FAM83B: variants seen among roughly 807,000 people sequenced by gnomAD.
The protein encoded by FAM83B is protein FAM83B.
FAM83B carries 26 observed loss-of-function variants against 38.8 expected under a neutral mutation model. The ratio of observed to expected loss-of-function variants is 0.67; its 90% CI spans 0.49 to 0.93. The LOEUF is 0.93. Among genes scored for constraint, FAM83B ranks in the 40% least tolerant of loss-of-function variants. FAM83B has a pLI of 0.00. For synonymous variants in FAM83B, 419 were observed against 423.1 expected (o/e 0.99, Z 0.12); for missense variants, 1,237 against 1,197.3 (o/e 1.03, Z -0.49).
intron 2 of FAM83B, among the ~76,000 whole-genome samples, chr6:54,917,548 A>T (rs1019490803): frequency 2.0e-5 from 3 of 152,150 alleles, no homozygotes; most frequent in African/African-American, 7.2e-5. Flanking sequence ...AATTTAAAAA[A>T]ATATGACCTA....
intron 2 of FAM83B, among the ~76,000 whole-genome samples, chr6:54,879,282 T>A (rs985048739): frequency 2.6e-5 from 4 of 152,128 alleles, no homozygotes; most frequent in Admixed American, 2.6e-4. Flanking sequence ...TGGATAAGAT[T>A]CAGATGCAAA....
intron 2 of FAM83B, among the ~76,000 whole-genome samples, chr6:54,923,376 T>G (rs1469954562): frequency 6.6e-6 from 1 of 152,006 alleles, no homozygotes; most frequent in Non-Finnish European, 1.5e-5. Context: ...CCACTCCATA[T>G]TATATACACC....
intron 2 of FAM83B, among the ~76,000 whole-genome samples, chr6:54,913,926 A>C (rs1196610663): frequency 6.6e-6 from 1 of 151,890 alleles, no homozygotes; most frequent in Non-Finnish European, 1.5e-5. Flanking sequence ...TTGAAAACAT[A>C]CCCCATGTGT....
At chr6:54,915,250 C>T (rs1030292738) in intron 2 of FAM83B, among the ~76,000 whole-genome samples, 13 of 152,078 alleles carry the variant, frequency 8.5e-5, no homozygotes, top group Non-Finnish European at 1.8e-4. Flanking sequence ...TTTCTTTATA[C>T]ACAAAAATGA....
At chr6:54,865,998 A>G (rs895141730) in intron 1 of FAM83B, among the ~76,000 whole-genome samples, 32 of 119,856 alleles carry the variant, frequency 2.7e-4, no homozygotes, top group African/African-American at 8.6e-4. Flanking sequence ...AATAATAATA[A>G]TAAGGTTGAA....
Position 54,926,514 on chromosome 6 carries a change from T to C in FAM83B, c.588T>C (p.Gly196=). The C allele has an allele frequency of 6.2e-7, 1 of 1,601,366 alleles. No homozygotes were observed. The highest frequency in any genetic ancestry group is 2.2e-5 in the East Asian group (1 of 44,738). ...TTCTAAATATGACTGAGAAACAAGG[T>C]TGTTCAGTTCAGCGTCTCAGGGTAA... ...NHFLNMTEKQ[G]CSVQRLRNIR... is the part of the protein sequence containing the mutation. Residue 196 remains glycine (G), a synonymous_variant, in exon 3 of 5, where the codon GGT becomes GGC. Transcript: ENST00000306858.
At chr6:54,897,269 G>C (rs1242163230) in intron 2 of FAM83B, among the ~76,000 whole-genome samples, 1 of 151,388 alleles carries the variant, frequency 6.6e-6, no homozygotes, top group Non-Finnish European at 1.5e-5. Context: ...ATCACATATG[G>C]GAAACAGTCA....
Position 54,859,468 on chromosome 6 carries a change from A to G in FAM83B, c.-60-10719A>G, listed in dbSNP as rs1022706866. Among the ~76,000 whole-genome samples the G allele has an allele frequency of 2.6e-4, 39 of 152,212 alleles. 1 individual carries two copies. The highest frequency in any genetic ancestry group is 4.4e-5 in the Non-Finnish European group (3 of 68,042). On this transcript the variant is annotated intron_variant, in intron 1 of 4. Coordinates refer to ENST00000306858, the MANE Select transcript of FAM83B (RefSeq NM_001010872.3). ...TATTAAGGCAGTATATCATTAGCTTATTTAACAATTATGTACTTACTGAGC... is the reference window on the plus strand; with the variant it reads ...TATTAAGGCAGTATATCATTAGCTTGTTTAACAATTATGTACTTACTGAGC...
chr6:54,852,769 A>G (rs1481578403), intron 1 of FAM83B, among the ~76,000 whole-genome samples: 1 of 152,228 alleles, frequency 6.6e-6, no homozygotes, highest in East Asian at 1.9e-4. Flanking sequence ...AAACACACAC[A>G]TCATGAGAGA....
chr6:54,855,835 A>G (rs1771434629), intron 1 of FAM83B, among the ~76,000 whole-genome samples: 1 of 152,172 alleles, frequency 6.6e-6, no homozygotes, highest in African/African-American at 2.4e-5. Context: ...ATTTGATAAA[A>G]CCATTAATTA....
chr6:54,935,493 G>C (rs1008461422), intron 4 of FAM83B, among the ~76,000 whole-genome samples: 1 of 152,092 alleles, frequency 6.6e-6, no homozygotes, highest in African/African-American at 2.4e-5. Flanking sequence ...TCCTGGGGCA[G>C]ATATCTGGGG....
chr6:54,888,805 T>C (rs1441404065), intron 2 of FAM83B, among the ~76,000 whole-genome samples: 1 of 151,898 alleles, frequency 6.6e-6, no homozygotes, highest in East Asian at 1.9e-4. Flanking sequence ...GTTTTGGAAA[T>C]ATATCAGCTA....
intron 4 of FAM83B, among the ~76,000 whole-genome samples, chr6:54,931,697 CA>C (rs1211219577): frequency 6.6e-6 from 1 of 151,860 alleles, no homozygotes; most frequent in Non-Finnish European, 1.5e-5. Flanking sequence ...GTCCTTAGAT[CA>C]AAAGTGAGTC....
At chr6:54,883,181 G>C (rs189990229) in intron 2 of FAM83B, among the ~76,000 whole-genome samples, 156 of 152,154 alleles carry the variant, frequency 1.0e-3, no homozygotes, top group Admixed American at 2.5e-3. Context: ...CTGACCTTGT[G>C]ATCCGCCCAC....
At chr6:54,864,886 CA>C (rs1457244312) in intron 1 of FAM83B, among the ~76,000 whole-genome samples, 1 of 152,072 alleles carries the variant, frequency 6.6e-6, no homozygotes, top group Non-Finnish European at 1.5e-5. Flanking sequence ...AAAGAAATAA[CA>C]AATTCAAGAA....
chr6:54,936,069 G>A (rs934507175), intron 4 of FAM83B, among the ~76,000 whole-genome samples: 4 of 152,118 alleles, frequency 2.6e-5, no homozygotes, highest in South Asian at 2.1e-4. Flanking sequence ...TACGGACTTC[G>A]GACTTCATAG....
Position 54,942,067 on chromosome 6 carries a change from T to G in FAM83B, c.*60T>G. The G allele has an allele frequency of 6.7e-7, 1 of 1,489,146 alleles. No homozygotes were observed. Among genetic ancestry groups the G allele is most frequent in the Non-Finnish European group, 9.0e-7 (1 of 1,107,136 alleles). 92.2% of individuals were successfully genotyped at this position (1,489,146 alleles called of 1,614,324 possible). A position where few individuals can be genotyped will look rare whatever the true frequency, so the allele number is the denominator to read the frequency against. On this transcript the variant is annotated 3_prime_UTR_variant, in exon 5 of 5. Coordinates refer to ENST00000306858, the MANE Select transcript of FAM83B (RefSeq NM_001010872.3). ...TTTGTCCAAAGAAAATTGTGGACAG[T>G]CTTTGTAACATGCCAATAGATTTTC...
intron 1 of FAM83B, among the ~76,000 whole-genome samples, chr6:54,866,433 A>G (rs1267056375): frequency 2.6e-5 from 4 of 152,256 alleles, no homozygotes; most frequent in African/African-American, 7.2e-5. Flanking sequence ...GAATATTTCT[A>G]TAACTACAAA....
intron 1 of FAM83B, among the ~76,000 whole-genome samples, chr6:54,848,168 A>G (rs1487156346): frequency 3.9e-5 from 6 of 152,188 alleles, no homozygotes; most frequent in African/African-American, 9.6e-5. Flanking sequence ...GTGAAACAGA[A>G]TGATGGAAGG....
Sources: gnomAD v4.1 joint callset for allele counts (sites outside exome capture counted in the v4.1 genomes callset) on GRCh38, gnomAD v4.1.1 for gene constraint, MANE v1.5 for transcripts, NCBI Gene and HGNC (gene_info 2026-07-23, HGNC 2026-07-21) for gene names.